The following UBE4B variants were observed in gnomAD, a reference collection of about 807,000 sequenced individuals.
UBE4B encodes ubiquitination factor E4B.
A neutral mutation model predicts 148.1 loss-of-function variants in UBE4B; 27 were observed. The observed-to-expected ratio is 0.18, with a 90% CI of 0.13 to 0.25. The LOEUF is 0.25. Among genes scored for constraint, UBE4B ranks in the 10% least tolerant of loss-of-function variants. The pLI, the probability that UBE4B is intolerant of heterozygous loss-of-function variation, is 1.00. For synonymous variants in UBE4B, 596 were observed against 619.3 expected, an observed-to-expected ratio of 0.96 and a Z score of 0.56; for missense variants, 1,170 against 1,662.4, an observed-to-expected ratio of 0.70 and a Z score of 5.15.
chr1:10,175,538 C>T (rs1367166055), intron 25 of UBE4B, among the ~76,000 whole-genome samples: 3 of 151,914 alleles, frequency 2.0e-5, no homozygotes, highest in Admixed American at 6.6e-5. Context: ...GTAGACCCAG[C>T]TACTCGGGAG....
intron 17 of UBE4B, among the ~76,000 whole-genome samples, chr1:10,142,600 G>A (rs542858356): frequency 4.7e-4 from 71 of 152,290 alleles, no homozygotes; most frequent in Non-Finnish European, 9.0e-4. Context: ...GAACACGGGA[G>A]ACGGAGGTTG....
At chr1:10,074,194 CT>C (rs1009873072) in intron 2 of UBE4B, among the ~76,000 whole-genome samples, 3 of 152,036 alleles carry the variant, frequency 2.0e-5, no homozygotes, top group Admixed American at 1.3e-4. Context: ...ATCTGCCTAC[CT>C]GTATGTGCGC....
chr1:10,146,437 G>A lies in UBE4B; in HGVS notation c.2464-526G>A, dbSNP rs959352390. Among the ~76,000 whole-genome samples the A allele has an allele frequency of 7.2e-5, 11 of 152,182 alleles. No homozygotes were observed. In the East Asian group the frequency reaches 2.1e-3, roughly 29 times the overall value. ...ACTGCACTTCAGCCTGGGCAACAGA[G>A]CAAGACTCTGTCTCAAAATAAATAA... On this transcript the variant is annotated intron_variant, in intron 18 of 27. Coordinates refer to ENST00000343090, the MANE Select transcript of UBE4B (RefSeq NM_001105562.3).
chr1:10,138,434 A>G (rs890942208), intron 17 of UBE4B, among the ~76,000 whole-genome samples: 2 of 151,954 alleles, frequency 1.3e-5, no homozygotes, highest in East Asian at 3.9e-4. Flanking sequence ...GGGTTTCTCC[A>G]TGTTGGTCAG....
At chr1:10,037,213 G>A (rs550963020) in intron 1 of UBE4B, among the ~76,000 whole-genome samples, 4 of 152,276 alleles carry the variant, frequency 2.6e-5, no homozygotes, top group East Asian at 3.9e-4. Context: ...TTTTAGTAGC[G>A]ACGGGGTTTC....
intron 3 of UBE4B, among the ~76,000 whole-genome samples, chr1:10,096,556 A>G (rs1345590831): frequency 6.6e-6 from 1 of 152,090 alleles, no homozygotes; most frequent in Non-Finnish European, 1.5e-5. Flanking sequence ...CCCTGTTGCT[A>G]CTAAAAATAC....
Position 10,062,850 on chromosome 1 carries a change from G to A in UBE4B, c.25-9178G>A, listed in dbSNP as rs59870161. On this transcript the variant is annotated intron_variant, in intron 1 of 27. Coordinates refer to ENST00000343090, the MANE Select transcript of UBE4B (RefSeq NM_001105562.3). ...ACATGCCTGTAATCCCAGCGACTCG[G>A]GAGGCTGAGGCAGGAGAATGGCTTG... Among the ~76,000 whole-genome samples, 1,266 of 151,972 alleles carry A rather than the reference G, an allele frequency of 8.3e-3. 25 individuals are homozygous for A. Among genetic ancestry groups the A allele is most frequent in the African/African-American group, 0.029 (1,222 of 41,426 alleles).
chr1:10,162,085 G>A (rs1476613838), intron 23 of UBE4B, among the ~76,000 whole-genome samples: 2 of 149,190 alleles, frequency 1.3e-5, no homozygotes, highest in African/African-American at 5.0e-5. Flanking sequence ...TGCAATCCCC[G>A]CTTCTCCGGT....
At chr1:10,121,533 C>A (rs558863036) in intron 9 of UBE4B, among the ~76,000 whole-genome samples, 1 of 152,176 alleles carries the variant, frequency 6.6e-6, no homozygotes, top group South Asian at 2.1e-4. Context: ...AGCCAGGACT[C>A]CAGGCACACA....
At chr1:10,070,442 T>TA (rs70998345) in intron 1 of UBE4B, among the ~76,000 whole-genome samples, 2,237 of 131,612 alleles carry the variant, frequency 0.017, 23 homozygotes, top group South Asian at 0.054. Context: ...CAGTTAAAAT[T>TA]AAAAAAAAAA....
chr1:10,065,866 A>C (rs765665210), intron 1 of UBE4B, among the ~76,000 whole-genome samples: 3 of 152,220 alleles, frequency 2.0e-5, no homozygotes, highest in Non-Finnish European at 4.4e-5. Context: ...GTAAATCTAC[A>C]TCCTTTTAAA....
intron 22 of UBE4B, among the ~76,000 whole-genome samples, chr1:10,158,882 C>T (rs1333462996): frequency 1.3e-5 from 2 of 151,824 alleles, no homozygotes; most frequent in Non-Finnish European, 2.9e-5. Flanking sequence ...TGGTGGCGCA[C>T]GTCTGTTATC....
chr1:10,105,522 C>A lies in UBE4B; in HGVS notation c.587C>A (p.Ser196Tyr), dbSNP rs765367588. Residue 196 changes from serine to tyrosine, a missense_variant, in exon 6 of 28, where the codon TCC becomes TAC. By Grantham distance (144) the Ser-to-Tyr change is moderately radical. This residue lies in a region of UBE4B where 91 missense variants were observed against 120.5 expected (regional missense o/e 0.76). Transcript: ENST00000343090. ...TGTTCTGCCTTTCCAACAGTATTCT[C>A]CGATTTTAAGGACTTGATTGGCCAG... is the stretch of plus-strand genomic sequence containing the variant. ...QFKQNPKEVF[S>Y]DFKDLIGQIL... 2 of 1,613,996 alleles carry A rather than the reference C, an allele frequency of 1.2e-6. No homozygotes were observed. The highest frequency in any genetic ancestry group is 2.7e-5 in the African/African-American group (2 of 74,906).
intron 7 of UBE4B, among the ~76,000 whole-genome samples, chr1:10,109,028 C>A (rs934593625): frequency 1.3e-5 from 2 of 152,120 alleles, no homozygotes; most frequent in Non-Finnish European, 2.9e-5. Context: ...TCTAACACCC[C>A]AGCCTTGCCT....
In UBE4B at chr1:10,158,440, G is replaced by C; in HGVS notation, c.3011G>C (p.Trp1004Ser). The change falls in exon 22 of 28, where the codon TGG becomes TCG. Residue 1004 changes from tryptophan (W) to serine (S), a missense_variant. By Grantham distance (177) the Trp-to-Ser change is radical. Around this residue, in one of 6 missense-constraint regions of UBE4B, gnomAD observed 348 missense variants for 627.2 expected, o/e 0.55. Transcript: ENST00000343090. ...YHISTIFKSLWQNIAHHGTFM... is the reference protein window; with the variant it reads ...YHISTIFKSLSQNIAHHGTFM... ...ATTAGCACCATTTTTAAAAGCCTTT[G>C]GCAAAACATAGCTCACCATGGCACC... is the stretch of plus-strand genomic sequence containing the variant. The C allele has an allele frequency of 1.2e-6, 2 of 1,614,136 alleles. No homozygotes were observed. The highest frequency in any genetic ancestry group is 1.7e-6 in the Non-Finnish European group (2 of 1,180,028).
chr1:10,036,727 G>T (rs1324992847), intron 1 of UBE4B, among the ~76,000 whole-genome samples: 1 of 152,060 alleles, frequency 6.6e-6, no homozygotes, highest in African/African-American at 2.4e-5. Flanking sequence ...CCTTTGTATT[G>T]TTACTCTGTA....
intron 8 of UBE4B, 131 bp from the exon 9 acceptor site, chr1:10,119,382 G>A (rs1409133379): frequency 1.5e-5 from 12 of 781,498 alleles, no homozygotes; most frequent in Middle Eastern, 2.4e-4. Flanking sequence ...ACTGTAGCTC[G>A]TTCACTAAGA....
chr1:10,167,063 C>T (rs1043590840), intron 23 of UBE4B, among the ~76,000 whole-genome samples: 52 of 151,684 alleles, frequency 3.4e-4, no homozygotes, highest in African/African-American at 1.2e-3. Context: ...ACCTGGGAGG[C>T]GGAGGTTACA....
intron 10 of UBE4B, 87 bp from the exon 11 acceptor site, chr1:10,126,707 C>A: frequency 8.8e-7 from 1 of 1,132,036 alleles, no homozygotes; most frequent in Non-Finnish European, 1.3e-6. Flanking sequence ...GAAATTTGGA[C>A]ATTCAGTTCT....
Sources: allele counts gnomAD v4.1 joint callset (sites outside exome capture counted in the v4.1 genomes callset), GRCh38; gene constraint gnomAD v4.1.1; regional missense constraint gnomAD v4.1.1; transcripts MANE v1.5; gene names NCBI Gene and HGNC (gene_info 2026-07-23, HGNC 2026-07-21).